Variants in PLEKHG3 observed in about 807,000 individuals in gnomAD.
PLEKHG3 encodes the protein pleckstrin homology domain-containing family G member 3.
In PLEKHG3, 62 loss-of-function variants were observed where a neutral mutation model predicts 94.9. The ratio of observed to expected loss-of-function variants is 0.65; its 90% confidence interval spans 0.53 to 0.81. PLEKHG3 has a LOEUF of 0.81. PLEKHG3 is among the 30% of genes least tolerant of loss of function. The pLI, the probability that PLEKHG3 is intolerant of heterozygous loss-of-function variation, is 0.00. For missense variants in PLEKHG3, 1,461 were observed against 1,619.3 expected, an observed-to-expected ratio of 0.90 and a Z score of 1.68; for synonymous variants, 614 against 654.0, an observed-to-expected ratio of 0.94 and a Z score of 0.93.
chr14:64,741,843 C>A lies in PLEKHG3; in HGVS notation c.2326C>A (p.Gln776Lys), dbSNP rs774540706. ...AGTACCTCCAGTGGGGAGCAAGAGA[C>A]AGGTGGGCTCCCGGCCGACTTCGTG... ...EPVPPVGSKR[Q>K]VGSRPTSWAL... Residue 776 changes from glutamine to lysine, a missense_variant, in exon 16 of 17, where the codon CAG (glutamine) becomes AAG (lysine). This residue lies in a region of PLEKHG3 where 1,201 missense variants were observed against 1,295.5 expected (regional missense o/e 0.93). Coordinates refer to ENST00000247226, the MANE Select transcript of PLEKHG3 (RefSeq NM_001308147.2). 13 of 1,613,510 alleles carry A rather than the reference C, an allele frequency of 8.1e-6. No homozygotes were observed. Among genetic ancestry groups the A allele is most frequent in the Non-Finnish European group, 1.1e-5 (13 of 1,180,016 alleles).
intron 13 of PLEKHG3, 132 bp from the exon 14 acceptor site, chr14:64,737,224 G>C (rs773593404): frequency 6.9e-6 from 5 of 723,426 alleles, no homozygotes; most frequent in Non-Finnish European, 1.2e-5. Flanking sequence ...TGAGGGTTCT[G>C]GGAGCAGGAG....
intron 13 of PLEKHG3, 149 bp from the exon 14 acceptor site, chr14:64,737,207 G>T (rs1411042112): frequency 2.9e-6 from 2 of 691,696 alleles, no homozygotes; most frequent in Non-Finnish European, 5.3e-6. Context: ...AAGCCCAGGA[G>T]ACTAGGTGAG....
chr14:64,725,460 G>C lies in PLEKHG3; in HGVS notation c.-39-2133G>C, dbSNP rs1211042872. ...GCCACAGGGCTGGGGGTTAAGGGCT[G>C]GGGTGGAGCTTGGGTTTTTATCTGT... On this transcript the variant is annotated intron_variant, in intron 1 of 16. Coordinates refer to ENST00000247226, the MANE Select transcript of PLEKHG3 (RefSeq NM_001308147.2). The surrounding 1 kb of genome is among the most constrained non-coding windows in gnomAD (Gnocchi z 5.0). Among the ~76,000 whole-genome samples the C allele has an allele frequency of 2.6e-5, 4 of 152,188 alleles. 1 individual carries two copies. In the East Asian group the frequency reaches 7.7e-4, roughly 29 times the overall value.
At chr14:64,713,415 C>G (rs900949175) in intron 1 of PLEKHG3, among the ~76,000 whole-genome samples, 1 of 152,086 alleles carries the variant, frequency 6.6e-6, no homozygotes, top group South Asian at 2.1e-4. Context: ...CCAGGGAAGC[C>G]GTCTAGTCCT....
rs1289959769 is a variant in PLEKHG3, at chr14:64,731,502, A to G, written c.991A>G (p.Lys331Glu). 1.1e-5 allele frequency: 18 copies of G among 1,614,066 alleles called. No homozygotes were observed. Among genetic ancestry groups the G allele is most frequent in the Non-Finnish European group, 1.4e-5 (17 of 1,180,002 alleles). Reference protein sequence around the residue: ...FLFDKTLLITKKRGDHFVYKG... With the variant: ...FLFDKTLLITEKRGDHFVYKG... The stretch of plus-strand genomic sequence containing the variant: ...CTTTGACAAAACACTGCTTATCACC[A>G]AGAAGCGGGGCGATCACTTTGTCTA... Residue 331 changes from lysine to glutamate, a missense_variant, in exon 8 of 17, where the codon AAG becomes GAG. Coordinates refer to ENST00000247226, the MANE Select transcript of PLEKHG3 (RefSeq NM_001308147.2). The surrounding 1 kb of genome is among the most constrained non-coding windows in gnomAD (Gnocchi z 6.1).
Position 64,749,337 on chromosome 14 carries a change from T to C in PLEKHG3, c.*5634T>C. ...CTTTTTGGGGAAGAAGCTGAATCTC[T>C]TCTCCTTGTCTTTCTTGCCGAGGCT... is the stretch of plus-strand genomic sequence containing the variant. On this transcript the variant is annotated 3_prime_UTR_variant, in exon 17 of 17. Transcript: ENST00000247226. The surrounding 1 kb of genome is among the most constrained non-coding windows in gnomAD (Gnocchi z 4.7). The C allele has an allele frequency of 6.2e-7, 1 of 1,609,660 alleles. No individual in the cohort carries two copies. Among genetic ancestry groups the C allele is most frequent in the Non-Finnish European group, 8.5e-7 (1 of 1,179,238 alleles).
At position 64,716,499 on chromosome 14, in the gene PLEKHG3, AC is replaced by A. The variant is rs1194171332; in HGVS notation, c.-39-11093del. Among the ~76,000 whole-genome samples the A allele has an allele frequency of 3.7e-5, 3 of 80,634 alleles. No individual in the cohort carries two copies. Among genetic ancestry groups the A allele is most frequent in the East Asian group, 2.6e-4 (1 of 3,808 alleles). 52.9% of individuals were successfully genotyped at this position (80,634 alleles called of 152,430 possible). ...CACACACAACACACACACACACAACACACACACACACACACACACACACACA... is the reference window on the plus strand; with the variant it reads ...CACACACAACACACACACACACAACAACACACACACACACACACACACACA... On this transcript the variant is annotated intron_variant, in intron 1 of 16. Transcript: ENST00000247226. The surrounding 1 kb of genome is among the most constrained non-coding windows in gnomAD (Gnocchi z 5.0).
chr14:64,739,175 G>T lies in PLEKHG3; in HGVS notation c.1518+320G>T, dbSNP rs1298623041. Reference sequence around the variant, plus strand: ...TAGGCCACCTTGTATGGGTTATAAGGCCCTGTCCCTGCCAGCATGCCAGAC... The same window carrying T: ...TAGGCCACCTTGTATGGGTTATAAGTCCCTGTCCCTGCCAGCATGCCAGAC... On this transcript the variant is annotated intron_variant, in intron 15 of 16. Coordinates refer to ENST00000247226, the MANE Select transcript of PLEKHG3 (RefSeq NM_001308147.2). This position sits in a 1 kb window ranked among gnomAD's most constrained non-coding sequence, Gnocchi z 4.1. 6.6e-6 allele frequency among the ~76,000 whole-genome samples: 1 copy of T among 152,156 alleles called. No individual in the cohort carries two copies. The highest frequency in any genetic ancestry group is 1.5e-5 in the Non-Finnish European group (1 of 68,030).
In PLEKHG3 at chr14:64,731,142, G is replaced by A. The variant is rs2081453011; in HGVS notation, c.822G>A (p.Arg274=). The change falls in exon 7 of 17, where the codon AGG becomes AGA. Residue 274 remains arginine, a synonymous_variant. Transcript: ENST00000247226. This position sits in a 1 kb window ranked among gnomAD's most constrained non-coding sequence, Gnocchi z 6.1. ...CCTGGTACATCAACGACATGAAGAG[G>A]AGGCATGAGCACGCGGTCCGGCTCC... ...CVAWYINDMK[R]RHEHAVRLQE... 1 of 1,613,478 alleles carries A rather than the reference G, an allele frequency of 6.2e-7. No homozygotes were observed. Among genetic ancestry groups the A allele is most frequent in the Non-Finnish European group, 8.5e-7 (1 of 1,179,510 alleles).
chr14:64,705,241 C>CA (rs2080952872), intron 1 of PLEKHG3, among the ~76,000 whole-genome samples: 1 of 152,246 alleles, frequency 6.6e-6, no homozygotes, highest in Non-Finnish European at 1.5e-5. Context: ...AAAGCCCGGC[C>CA]ACCAGCTGCC....
In PLEKHG3 at chr14:64,723,369, G is replaced by A. The variant is rs1434155721; in HGVS notation, c.-39-4224G>A. ...AGGAGGATCGCTTGAGGTCGAGGCT[G>A]CAATGAGCTGTGATTGCACCACTGC... On this transcript the variant is annotated intron_variant, in intron 1 of 16. Coordinates refer to ENST00000247226, the MANE Select transcript of PLEKHG3 (RefSeq NM_001308147.2). This position sits in a 1 kb window ranked among gnomAD's most constrained non-coding sequence, Gnocchi z 4.5. Among the ~76,000 whole-genome samples the A allele has an allele frequency of 5.3e-5, 8 of 152,132 alleles. No homozygotes were observed. Among genetic ancestry groups the A allele is most frequent in the African/African-American group, 1.9e-4 (8 of 41,416 alleles).
rs1594702584 is a variant in PLEKHG3 at position 64,736,373 on chromosome 14, G to A, written c.1346-480G>A. ...CCAGCCTTAAGGGCCGTAGAAAGTC[G>A]GGTGCGACCTCTGCTTTCCAGCTGG... On this transcript the variant is annotated intron_variant, in intron 12 of 16. Coordinates refer to ENST00000247226, the MANE Select transcript of PLEKHG3 (RefSeq NM_001308147.2). Among the ~76,000 whole-genome samples the A allele has an allele frequency of 2.0e-5, 3 of 152,252 alleles. No homozygotes were observed. In the South Asian group the frequency reaches 6.2e-4, roughly 31 times the overall value.
rs1366354930 is a variant in PLEKHG3, at chr14:64,704,552, C to G, written c.-192C>G. Reference sequence around the variant, plus strand: ...GGGCCGCGCTTGCAGCTGGCCGAGTCCGGGCCAGCTGAGGGGCTGGCGGTG... The same window carrying G: ...GGGCCGCGCTTGCAGCTGGCCGAGTGCGGGCCAGCTGAGGGGCTGGCGGTG... On this transcript the variant is annotated 5_prime_UTR_variant, in exon 1 of 17. Transcript: ENST00000247226. This position sits in a 1 kb window ranked among gnomAD's most constrained non-coding sequence, Gnocchi z 5.6. The G allele has an allele frequency of 6.5e-6, 1 of 153,288 alleles. No homozygotes were observed. Among genetic ancestry groups the G allele is most frequent in the Non-Finnish European group, 1.5e-5 (1 of 68,606 alleles). The allele number at this position is 153,288 out of a possible 1,614,324, so 9.5% of individuals were successfully genotyped here. A position where few individuals can be genotyped will look rare whatever the true frequency, so the allele number is the denominator to read the frequency against.
At chr14:64,710,247 G>A (rs2081046755) in intron 1 of PLEKHG3, among the ~76,000 whole-genome samples, 1 of 152,150 alleles carries the variant, frequency 6.6e-6, no homozygotes. Context: ...TTGCTTATTT[G>A]CATGTAGCCA....
At chr14:64,719,856 G>T (rs1365491382) in intron 1 of PLEKHG3, among the ~76,000 whole-genome samples, 1 of 152,230 alleles carries the variant, frequency 6.6e-6, no homozygotes, top group African/African-American at 2.4e-5. Flanking sequence ...AACTTTGCTG[G>T]TAAGTAGCAG....
rs1195451283 is a variant in PLEKHG3 at position 64,727,530 on chromosome 14, T to A, written c.-39-63T>A. ...CACCTGCCCCCACCCCTGGCAACCG[T>A]CCCTCTGTTCTGTTTCTGTGGGCAT... On this transcript the variant is annotated intron_variant, in intron 1 of 16. Transcript: ENST00000247226. The surrounding 1 kb of genome is among the most constrained non-coding windows in gnomAD (Gnocchi z 6.0). 2.3e-6 allele frequency: 1 copy of A among 428,282 alleles called. No homozygotes were observed. The allele number at this position is 428,282 out of a possible 1,614,324, so 26.5% of individuals were successfully genotyped here.
chr14:64,728,053 A>G lies in PLEKHG3; in HGVS notation c.351+71A>G. 4 of 959,704 alleles carry G rather than the reference A, an allele frequency of 4.2e-6. No individual in the cohort carries two copies. Among genetic ancestry groups the G allele is most frequent in the Middle Eastern group, 3.3e-4 (1 of 3,014 alleles). 59.4% of individuals were successfully genotyped at this position (959,704 alleles called of 1,614,324 possible). A position where few individuals can be genotyped will look rare whatever the true frequency, so the allele number is the denominator to read the frequency against. ...TTTCACCCTGGGAGGGAAGCTCTCA[A>G]AAGACCTGCTTCCCATAAAGTAGTT... On this transcript the variant is annotated intron_variant, in intron 2 of 16. Coordinates refer to ENST00000247226, the MANE Select transcript of PLEKHG3 (RefSeq NM_001308147.2). The surrounding 1 kb of genome is among the most constrained non-coding windows in gnomAD (Gnocchi z 5.9).
rs553224994 is a variant in PLEKHG3, at chr14:64,748,769, G to C, written c.*5066G>C. On this transcript the variant is annotated 3_prime_UTR_variant, in exon 17 of 17. Transcript: ENST00000247226. ...CCTGGCCCAGAGCTAGGGCTTTGTGGGCCACCTGAAGGCTCCTTCCTCATG... is the reference window on the plus strand; with the variant it reads ...CCTGGCCCAGAGCTAGGGCTTTGTGCGCCACCTGAAGGCTCCTTCCTCATG... The C allele has an allele frequency of 6.4e-5, 10 of 155,416 alleles. No individual in the cohort carries two copies. Among genetic ancestry groups the C allele is most frequent in the African/African-American group, 2.4e-4 (10 of 41,578 alleles). 9.6% of individuals were successfully genotyped at this position (155,416 alleles called of 1,614,324 possible).
At chr14:64,733,673 C>T (rs917931386) in intron 12 of PLEKHG3, among the ~76,000 whole-genome samples, 9 of 152,212 alleles carry the variant, frequency 5.9e-5, no homozygotes, top group African/African-American at 1.9e-4. Context: ...GGCACCAAAC[C>T]CAGACAGGAA....
Sources: gnomAD v4.1 joint callset for allele counts (sites outside exome capture counted in the v4.1 genomes callset) on GRCh38, gnomAD v4.1.1 for gene constraint, gnomAD v4.1.1 regional missense constraint, Gnocchi (gnomAD v3.1) non-coding constraint, MANE v1.5 for transcripts, NCBI Gene and HGNC (gene_info 2026-07-23, HGNC 2026-07-21) for gene names.